The following TXNL1 variants were observed in gnomAD, a reference collection of about 807,000 sequenced individuals.
TXNL1 encodes the protein thioredoxin like 1, also known as thioredoxin-like protein 1.
TXNL1 carries 14 observed loss-of-function variants against 35.5 expected under a neutral mutation model. That is an observed-to-expected ratio of 0.39 (90% confidence interval 0.26 to 0.62). TXNL1 has a LOEUF of 0.62. Among genes scored for constraint, TXNL1 ranks in the 20% least tolerant of loss-of-function variants. The pLI is 0.47. For synonymous variants in TXNL1, 110 were observed against 115.5 expected (o/e 0.95, Z 0.31); for missense variants, 263 against 349.7 (o/e 0.75, Z 1.98).
intron 1 of TXNL1, among the ~76,000 whole-genome samples, chr18:56,631,834 C>T (rs542200971): frequency 2.0e-5 from 3 of 150,554 alleles, no homozygotes; most frequent in South Asian, 2.1e-4. Context: ...GCAGGAGAAT[C>T]GTTTGAACCT....
Position 56,613,122 on chromosome 18 carries a change from G to A in TXNL1, c.735+1302C>T, listed in dbSNP as rs548000629. 2.6e-5 allele frequency among the ~76,000 whole-genome samples: 4 copies of A among 152,220 alleles called. No homozygotes were observed. The East Asian group carries it at 7.7e-4, about 29-fold the overall frequency. ...CCCAAAATGCTGGGATTACAGGAGT[G>A]AGCCACAACACCCAGCCAATTATAA... On this transcript the variant is annotated intron_variant, in intron 6 of 7. Transcript: ENST00000217515.
At chr18:56,605,455 T>C (rs940360473) in intron 7 of TXNL1, among the ~76,000 whole-genome samples, 2 of 152,218 alleles carry the variant, frequency 1.3e-5, no homozygotes, top group Non-Finnish European at 2.9e-5. Flanking sequence ...GAAAAGTCTA[T>C]TTTTATTATA....
chr18:56,626,795 G>GTTTTTTTTTTTT (rs1221334957), intron 1 of TXNL1, among the ~76,000 whole-genome samples: 2 of 29,046 alleles, frequency 6.9e-5, no homozygotes, highest in Non-Finnish European at 1.1e-4. Flanking sequence ...CACCAAGCCG[G>GTTTTTTTTTTTT]TCTTTTTTTT....
rs2024049802 is a variant in TXNL1 at position 56,614,448 on chromosome 18, C to T, written c.711G>A (p.Lys237=). 6.2e-7 allele frequency: 1 copy of T among 1,613,552 alleles called. No homozygotes were observed. Among genetic ancestry groups the T allele is most frequent in the Admixed American group, 1.7e-5 (1 of 59,958 alleles). The part of the protein sequence containing the change: ...EDGIVPLRYV[K]FQNVNSVTIF... ...CAGTTACACTGTTAACATTCTGAAACTTAACATAACGAAGTGGAACAATGC... is the reference window on the plus strand; with the variant it reads ...CAGTTACACTGTTAACATTCTGAAATTTAACATAACGAAGTGGAACAATGC... The change falls in exon 6 of 8, where the codon AAG becomes AAA. Residue 237 remains lysine, a synonymous_variant. Coordinates refer to ENST00000217515, the MANE Select transcript of TXNL1 (RefSeq NM_004786.3).
At chr18:56,614,689 CA>C in intron 5 of TXNL1, 93 bp from the exon 6 acceptor site, 1 of 962,728 alleles carries the variant, frequency 1.0e-6, no homozygotes, top group Non-Finnish European at 1.5e-6. Context: ...CAGACACACA[CA>C]AATCAATACA....
chr18:56,632,161 CA>C (rs1377514457), intron 1 of TXNL1, among the ~76,000 whole-genome samples: 1 of 152,140 alleles, frequency 6.6e-6, no homozygotes, highest in African/African-American at 2.4e-5. Context: ...TAATATAAAA[CA>C]AATTCCATTT....
At chr18:56,625,317 A>T (rs1187552391) in intron 2 of TXNL1, among the ~76,000 whole-genome samples, 2 of 152,150 alleles carry the variant, frequency 1.3e-5, no homozygotes, top group Non-Finnish European at 2.9e-5. Flanking sequence ...TATCTATATT[A>T]AAAAAGCAAA....
intron 4 of TXNL1, 88 bp downstream of exon 4, chr18:56,617,916 G>C: frequency 6.7e-7 from 1 of 1,482,018 alleles, no homozygotes; most frequent in South Asian, 1.2e-5. Context: ...CTGGGAAGGA[G>C]AGACGTAAGC....
At chr18:56,617,199 A>T (rs2024102077) in intron 4 of TXNL1, among the ~76,000 whole-genome samples, 1 of 152,216 alleles carries the variant, frequency 6.6e-6, no homozygotes, top group African/African-American at 2.4e-5. Flanking sequence ...CTGCCTAAGA[A>T]AATAACTAGG....
intron 7 of TXNL1, chr18:56,608,650 G>A (rs531223928): frequency 2.0e-4 from 31 of 152,244 alleles, no homozygotes; most frequent in African/African-American, 7.5e-4. Flanking sequence ...CAAGTATCCA[G>A]GGGAGTTTTC....
intron 1 of TXNL1, among the ~76,000 whole-genome samples, chr18:56,630,367 A>G (rs1319625359): frequency 1.3e-5 from 2 of 152,204 alleles, no homozygotes; most frequent in Non-Finnish European, 2.9e-5. Flanking sequence ...TGGAGCTCTG[A>G]GCCAGTGGGG....
At chr18:56,630,301 A>G (rs2024350999) in intron 1 of TXNL1, among the ~76,000 whole-genome samples, 1 of 152,174 alleles carries the variant, frequency 6.6e-6, no homozygotes, top group Non-Finnish European at 1.5e-5. Context: ...ATATTTGAAA[A>G]GAACAAAATC....
chr18:56,624,417 C>A lies in TXNL1; in HGVS notation c.240G>T (p.Leu80Phe). Residue 80 changes from leucine (L) to phenylalanine (F), a missense_variant, in exon 3 of 8, where the codon TTG (leucine) becomes TTT (phenylalanine). Coordinates refer to ENST00000217515, the MANE Select transcript of TXNL1 (RefSeq NM_004786.3). Reference protein sequence around the residue: ...TNNISATPTFLFFRNKVRIDQ... With the variant: ...TNNISATPTFFFFRNKVRIDQ... ...CAATTCTCACTTTGTTTCGAAAAAA[C>A]AAAAATGTAGGTGTTGCTGATATAT... 1 of 1,613,482 alleles carries A rather than the reference C, an allele frequency of 6.2e-7. No homozygotes were observed. The highest frequency in any genetic ancestry group is 8.5e-7 in the Non-Finnish European group (1 of 1,179,688).
In TXNL1 at chr18:56,638,492, AAGG is replaced by A. The variant is rs771172212; in HGVS notation, c.-55_-53del. 3.8e-6 allele frequency: 6 copies of A among 1,564,602 alleles called. No individual in the cohort carries two copies. The highest frequency in any genetic ancestry group is 2.3e-5 in the East Asian group (1 of 43,582). On this transcript the variant is annotated 5_prime_UTR_variant, in exon 1 of 8. Transcript: ENST00000217515. Reference sequence around the variant, plus strand: ...CGCGACGCCACTGGCTTTGAAACTGAAGGAGAAGACGATCTGGGAGAGGAAGGA... The same window carrying A: ...CGCGACGCCACTGGCTTTGAAACTGAAGAAGACGATCTGGGAGAGGAAGGA...
At chr18:56,603,112 A>G in intron 7 of TXNL1, 56 bp from the exon 8 acceptor site, 1 of 1,420,610 alleles carries the variant, frequency 7.0e-7, no homozygotes, top group Admixed American at 1.7e-5. Flanking sequence ...AATATGAGTT[A>G]TTAAAAATAC....
rs2023883673 is a variant in TXNL1, at chr18:56,605,854, C to A, written c.841-2798G>T. On this transcript the variant is annotated intron_variant, in intron 7 of 7. Transcript: ENST00000217515. The stretch of plus-strand genomic sequence containing the variant: ...CCACATTGGAGATTCAACAGCATTA[C>A]CTTAGCTTCTGTCAGATATCTTAGT... 2.0e-5 allele frequency among the ~76,000 whole-genome samples: 3 copies of A among 152,174 alleles called. No individual in the cohort carries two copies. In the South Asian group the frequency reaches 6.2e-4, roughly 31 times the overall value.
intron 6 of TXNL1, among the ~76,000 whole-genome samples, chr18:56,613,703 G>A (rs938032695): frequency 1.3e-5 from 2 of 152,048 alleles, no homozygotes; most frequent in Non-Finnish European, 2.9e-5. Context: ...GGTTGCAACT[G>A]CTCTGGAGGC....
rs1177909267 is a variant in TXNL1, at chr18:56,598,056, GTC to G, written c.*4969_*4970del. The G allele has an allele frequency of 6.6e-6, 1 of 152,136 alleles. No individual in the cohort carries two copies. Among genetic ancestry groups the G allele is most frequent in the Non-Finnish European group, 1.5e-5 (1 of 68,036 alleles). The allele number at this position is 152,136 out of a possible 1,614,324, so 9.4% of individuals were successfully genotyped here. ...AGCTTCTCCTTCACTTCCCTAGAAT[GTC>G]TCTTACACTTAACTCCCACTCTATG... On this transcript the variant is annotated 3_prime_UTR_variant, in exon 8 of 8. Transcript: ENST00000217515.
intron 1 of TXNL1, among the ~76,000 whole-genome samples, chr18:56,636,279 G>A (rs1179657608): frequency 1.3e-5 from 2 of 152,136 alleles, no homozygotes; most frequent in Non-Finnish European, 2.9e-5. Context: ...AATAGGTGCT[G>A]GAGAAACTAT....
Sources: allele counts gnomAD v4.1 joint callset (sites outside exome capture counted in the v4.1 genomes callset), GRCh38; gene constraint gnomAD v4.1.1; transcripts MANE v1.5; gene names NCBI Gene and HGNC (gene_info 2026-07-23, HGNC 2026-07-21).